Variants in CDK14 observed in about 807,000 individuals in gnomAD.
CDK14 encodes the protein cyclin-dependent kinase 14.
Under a neutral mutation model 60.7 loss-of-function variants are expected in CDK14, and 34 were observed. The ratio of observed to expected loss-of-function variants is 0.56; its 90% confidence interval spans 0.43 to 0.75. The LOEUF (loss-of-function observed/expected upper bound fraction) is 0.75. Ranked by LOEUF, CDK14 falls within the 30% of genes least tolerant of loss-of-function variation. The probability of loss-of-function intolerance (pLI) is 0.00; values close to 1 mark genes in which losing one functional copy is unlikely to be tolerated. For missense variants in CDK14, 482 were observed against 564.1 expected (o/e 0.85, Z 1.47); for synonymous variants, 197 against 203.7 (o/e 0.97, Z 0.28).
intron 3 of CDK14, among the ~76,000 whole-genome samples, chr7:90,730,191 T>A (rs1350110995): frequency 2.6e-5 from 4 of 152,208 alleles, no homozygotes; most frequent in Non-Finnish European, 5.9e-5. Context: ...GAACTCATCC[T>A]TTTTTATGGC....
chr7:90,938,590 G>T (rs1377727697), intron 8 of CDK14, among the ~76,000 whole-genome samples: 1 of 152,076 alleles, frequency 6.6e-6, no homozygotes, highest in Admixed American at 6.5e-5. Flanking sequence ...TTTAAAAAAT[G>T]AGTCATTTGT....
At chr7:90,938,412 A>G (rs1010239480) in intron 8 of CDK14, among the ~76,000 whole-genome samples, 1 of 152,204 alleles carries the variant, frequency 6.6e-6, no homozygotes, top group Admixed American at 6.5e-5. Flanking sequence ...TCTCACAGGC[A>G]TCTCTTCCCT....
In CDK14 at chr7:91,034,977, CAT is replaced by C. The variant is rs3842184; in HGVS notation, c.1042-10919_1042-10918del. Among the ~76,000 whole-genome samples, 1,280 of 149,144 alleles carry C rather than the reference CAT, an allele frequency of 8.6e-3. 9 individuals are homozygous for C. The highest frequency in any genetic ancestry group is 0.022 in the Middle Eastern group (6 of 278). On this transcript the variant is annotated intron_variant, in intron 10 of 14. Coordinates refer to ENST00000380050, the MANE Select transcript of CDK14 (RefSeq NM_001287135.2). The stretch of plus-strand genomic sequence containing the variant: ...ACACACACACACACACACACACACA[CAT>C]TGATAGCTTATCTGGCTACCAGAAA...
At chr7:90,927,376 G>A (rs1355729894) in intron 8 of CDK14, among the ~76,000 whole-genome samples, 1 of 151,950 alleles carries the variant, frequency 6.6e-6, no homozygotes, top group Non-Finnish European at 1.5e-5. Flanking sequence ...CAGGAACTGA[G>A]GACTAAGACC....
chr7:90,731,039 A>T (rs1802842467), intron 3 of CDK14, among the ~76,000 whole-genome samples: 1 of 152,206 alleles, frequency 6.6e-6, no homozygotes, highest in Non-Finnish European at 1.5e-5. Flanking sequence ...ATAAGGTGTA[A>T]GCAAGGGATC....
chr7:90,772,169 T>C (rs1383485872), intron 4 of CDK14, among the ~76,000 whole-genome samples: 20 of 152,212 alleles, frequency 1.3e-4, no homozygotes. Flanking sequence ...TCTGTCACTG[T>C]AAATAGAGCA....
intron 6 of CDK14, among the ~76,000 whole-genome samples, chr7:90,887,021 A>T (rs1363342527): frequency 6.6e-6 from 1 of 152,144 alleles, no homozygotes; most frequent in Admixed American, 6.5e-5. Flanking sequence ...AATAGTTTGG[A>T]GTTTCTACCC....
At chr7:90,840,471 A>G (rs17396284) in intron 5 of CDK14, among the ~76,000 whole-genome samples, 8,095 of 152,304 alleles carry the variant, frequency 0.053, 227 homozygotes, top group South Asian at 0.08. Context: ...CTAATTAACT[A>G]TAAGTTCCCA....
At chr7:91,054,159 C>A (rs1172204782) in intron 11 of CDK14, among the ~76,000 whole-genome samples, 1 of 135,832 alleles carries the variant, frequency 7.4e-6, no homozygotes, top group Admixed American at 8.1e-5. Context: ...TTCCCACTTA[C>A]TCTTTACACT....
chr7:91,181,386 C>T (rs924344417), intron 14 of CDK14, among the ~76,000 whole-genome samples: 1 of 152,048 alleles, frequency 6.6e-6, no homozygotes, highest in Non-Finnish European at 1.5e-5. Flanking sequence ...GTATGTAGAT[C>T]AAGAATTTTG....
At chr7:90,876,631 T>C (rs1004284946) in intron 6 of CDK14, among the ~76,000 whole-genome samples, 1 of 152,218 alleles carries the variant, frequency 6.6e-6, no homozygotes, top group African/African-American at 2.4e-5. Context: ...GTGTATTTTC[T>C]ATGCAAAACT....
chr7:90,827,729 A>C (rs756786877), intron 5 of CDK14, among the ~76,000 whole-genome samples: 1 of 152,202 alleles, frequency 6.6e-6, no homozygotes, highest in Non-Finnish European at 1.5e-5. Flanking sequence ...ATCCATTCCA[A>C]TTTTTGACCT....
At chr7:91,188,674 T>G (rs1802262966) in intron 14 of CDK14, among the ~76,000 whole-genome samples, 1 of 152,218 alleles carries the variant, frequency 6.6e-6, no homozygotes, top group Non-Finnish European at 1.5e-5. Flanking sequence ...TCGTCTGTCT[T>G]GGTGCTCATT....
chr7:90,942,993 A>G (rs956461817), intron 8 of CDK14, among the ~76,000 whole-genome samples: 7 of 152,142 alleles, frequency 4.6e-5, no homozygotes. Flanking sequence ...TTTTTAAAAA[A>G]AACTGTCGAG....
chr7:90,605,642 G>A (rs1459420096), intron 2 of CDK14, among the ~76,000 whole-genome samples: 3 of 151,822 alleles, frequency 2.0e-5, no homozygotes, highest in Non-Finnish European at 4.4e-5. Context: ...GATAATTTAA[G>A]CTTACATAAA....
intron 12 of CDK14, among the ~76,000 whole-genome samples, chr7:91,089,543 C>T (rs1798741114): frequency 6.7e-6 from 1 of 148,990 alleles, no homozygotes; most frequent in African/African-American, 2.5e-5. Flanking sequence ...ATCCATGTGG[C>T]CTGTAGAGGG....
At chr7:90,679,110 C>T (rs910885439) in intron 2 of CDK14, among the ~76,000 whole-genome samples, 1 of 152,062 alleles carries the variant, frequency 6.6e-6, no homozygotes, top group Non-Finnish European at 1.5e-5. Context: ...CCACCATGCC[C>T]GGCTAATTTT....
intron 12 of CDK14, among the ~76,000 whole-genome samples, chr7:91,091,408 GTATATACA>G (rs1214172750): frequency 1.5e-5 from 2 of 137,500 alleles, no homozygotes; most frequent in East Asian, 2.0e-4. Flanking sequence ...TATATAAATT[GTATATACA>G]TATATACATA....
intron 6 of CDK14, among the ~76,000 whole-genome samples, chr7:90,865,604 C>T (rs758706): frequency 0.41 from 63,021 of 151,876 alleles, 13,623 homozygotes; most frequent in East Asian, 0.66. Flanking sequence ...TATTAGTGAG[C>T]GGCATAAGGT....
Sources: gnomAD v4.1 joint callset for allele counts (sites outside exome capture counted in the v4.1 genomes callset) on GRCh38, gnomAD v4.1.1 for gene constraint, MANE v1.5 for transcripts, NCBI Gene and HGNC (gene_info 2026-07-23, HGNC 2026-07-21) for gene names.